TAFA2: variants seen among roughly 807,000 people sequenced by gnomAD.
The protein encoded by TAFA2 is TAFA chemokine like family member 2, also known as chemokine-like protein TAFA-2.
Under a neutral mutation model 18.8 loss-of-function variants are expected in TAFA2, and 7 were observed. The ratio of observed to expected loss-of-function variants is 0.37; its 90% CI spans 0.21 to 0.70. TAFA2 has a LOEUF of 0.70. Ranked by LOEUF, TAFA2 falls within the 30% of genes least tolerant of loss-of-function variation. The pLI is 0.53. For synonymous variants in TAFA2, 60 were observed against 54.2 expected (o/e 1.11, Z -0.47); for missense variants, 122 against 158.1 (o/e 0.77, Z 1.23).
At chr12:61,899,541 A>C (rs1027410599) in intron 1 of TAFA2, among the ~76,000 whole-genome samples, 1 of 152,156 alleles carries the variant, frequency 6.6e-6, no homozygotes, top group African/African-American at 2.4e-5. Context: ...AATACTTATA[A>C]AACCATCAGA....
At chr12:62,072,200 C>T (rs1882648792) in intron 1 of TAFA2, among the ~76,000 whole-genome samples, 1 of 152,040 alleles carries the variant, frequency 6.6e-6, no homozygotes. Context: ...CGCGGTGGCT[C>T]ACGCCTGTAA....
intron 1 of TAFA2, among the ~76,000 whole-genome samples, chr12:61,894,700 G>T (rs563554672): frequency 3.9e-4 from 60 of 152,064 alleles, no homozygotes; most frequent in Non-Finnish European, 6.5e-4. Context: ...GAATTCCCTG[G>T]TTTATTAAAG....
intron 2 of TAFA2, chr12:61,827,093 G>A (rs970224690): frequency 4.0e-5 from 6 of 151,884 alleles, no homozygotes; most frequent in Admixed American, 3.9e-4. Context: ...ATTCAGTTTT[G>A]GTCAAAGTGA....
intron 1 of TAFA2, among the ~76,000 whole-genome samples, chr12:62,247,043 A>G (rs534251111): frequency 3.0e-4 from 45 of 152,082 alleles, no homozygotes; most frequent in African/African-American, 1.1e-3. Flanking sequence ...TATGTTTTCT[A>G]TATGCTATGC....
chr12:62,141,760 T>C (rs1305886777), intron 1 of TAFA2, among the ~76,000 whole-genome samples: 2 of 152,186 alleles, frequency 1.3e-5, no homozygotes, highest in African/African-American at 4.8e-5. Context: ...TGAATGACTA[T>C]TTTATATAGT....
intron 4 of TAFA2, among the ~76,000 whole-genome samples, chr12:61,739,536 T>C (rs1734531287): frequency 1.3e-5 from 2 of 152,104 alleles, no homozygotes; most frequent in Admixed American, 1.3e-4. Context: ...CATATAGTGA[T>C]GTGAAACAGT....
At chr12:61,802,328 T>C (rs748868954) in intron 2 of TAFA2, among the ~76,000 whole-genome samples, 1 of 152,000 alleles carries the variant, frequency 6.6e-6, no homozygotes, top group Non-Finnish European at 1.5e-5. Flanking sequence ...TGCAGCACTA[T>C]GCACAAAAGC....
chr12:62,078,171 A>G (rs1868265181), intron 1 of TAFA2, among the ~76,000 whole-genome samples: 10 of 151,996 alleles, frequency 6.6e-5, no homozygotes, highest in Admixed American at 5.9e-4. Flanking sequence ...ACCTCCCTTA[A>G]CAAGCTGACC....
At chr12:61,957,428 A>T (rs1878734719) in intron 1 of TAFA2, among the ~76,000 whole-genome samples, 1 of 152,132 alleles carries the variant, frequency 6.6e-6, no homozygotes, top group Non-Finnish European at 1.5e-5. Context: ...GTGGATGGAA[A>T]GTTACTAAGA....
chr12:61,904,616 A>G (rs1214501396), intron 1 of TAFA2, among the ~76,000 whole-genome samples: 4 of 152,198 alleles, frequency 2.6e-5, no homozygotes, highest in Non-Finnish European at 5.9e-5. Context: ...AAGGTAAAGA[A>G]GGCAACATAC....
chr12:62,235,293 A>G (rs2062831784), intron 1 of TAFA2: 1 of 669,402 alleles, frequency 1.5e-6, no homozygotes, highest in South Asian at 1.7e-5. Context: ...TGATGCCTCA[A>G]CAGACAACAA....
At chr12:61,948,056 T>G (rs572500693) in intron 1 of TAFA2, among the ~76,000 whole-genome samples, 90 of 152,196 alleles carry the variant, frequency 5.9e-4, no homozygotes, top group Non-Finnish European at 1.2e-3. Flanking sequence ...AATGACCTAC[T>G]ATGTGCCTGA....
Position 62,054,289 on chromosome 12 carries a change from A to G in TAFA2, c.-2+136970T>C, listed in dbSNP as rs1245481206. ...AAATTCAAATATGGACGTGATGCTG[A>G]AAAGTTTTTAGTTAGTCTTTTCAGC... On this transcript the variant is annotated intron_variant, in intron 1 of 4. Coordinates refer to ENST00000416284, the MANE Select transcript of TAFA2 (RefSeq NM_178539.5). 3.9e-5 allele frequency among the ~76,000 whole-genome samples: 6 copies of G among 152,370 alleles called. No homozygotes were observed. The East Asian group carries it at 5.8e-4, about 15-fold the overall frequency.
intron 1 of TAFA2, among the ~76,000 whole-genome samples, chr12:62,142,307 A>G (rs1186469437): frequency 2.0e-5 from 3 of 152,206 alleles, no homozygotes; most frequent in East Asian, 1.9e-4. Flanking sequence ...TGAATAAACG[A>G]AAGTCATAAG....
chr12:61,938,585 T>C (rs1877871415), intron 1 of TAFA2, among the ~76,000 whole-genome samples: 1 of 152,118 alleles, frequency 6.6e-6, no homozygotes, highest in Non-Finnish European at 1.5e-5. Context: ...AGTCATTGTA[T>C]CAAAAAGACA....
At chr12:61,835,727 A>G (rs903290599) in intron 2 of TAFA2, among the ~76,000 whole-genome samples, 2 of 151,970 alleles carry the variant, frequency 1.3e-5, no homozygotes, top group Admixed American at 6.6e-5. Context: ...TTGGACATAC[A>G]TAGGTCGAAT....
chr12:61,949,739 T>A (rs906434065), intron 1 of TAFA2, among the ~76,000 whole-genome samples: 4 of 152,290 alleles, frequency 2.6e-5, no homozygotes, highest in South Asian at 4.1e-4. Flanking sequence ...ATAATTTTTT[T>A]AATATGTTTT....
chr12:61,961,222 A>C (rs541025140), intron 1 of TAFA2, among the ~76,000 whole-genome samples: 1 of 151,974 alleles, frequency 6.6e-6, no homozygotes, highest in East Asian at 2.0e-4. Context: ...GAAGAACACA[A>C]GGGGGGAAAT....
At chr12:61,968,595 G>A (rs1283958307) in intron 1 of TAFA2, among the ~76,000 whole-genome samples, 1 of 151,552 alleles carries the variant, frequency 6.6e-6, no homozygotes, top group Non-Finnish European at 1.5e-5. Context: ...ATATTTTCAG[G>A]GGTATTATGA....
Sources: gnomAD v4.1 joint callset for allele counts (sites outside exome capture counted in the v4.1 genomes callset) on GRCh38, gnomAD v4.1.1 for gene constraint, MANE v1.5 for transcripts, NCBI Gene and HGNC (gene_info 2026-07-23, HGNC 2026-07-21) for gene names.